SFXN1: variants seen among roughly 807,000 people sequenced by gnomAD.
The protein encoded by SFXN1 is sideroflexin 1, also known as sideroflexin-1.
Under a neutral mutation model 39.5 loss-of-function variants are expected in SFXN1, and 32 were observed. The observed-to-expected ratio is 0.81, with a 90% CI of 0.61 to 1.09. The LOEUF is 1.09. SFXN1 is among the 50% of genes least tolerant of loss of function. The pLI is 0.00. For missense variants in SFXN1, 402 were observed against 407.1 expected (o/e 0.99, Z 0.11); for synonymous variants, 136 against 146.5 (o/e 0.93, Z 0.52).
chr5:175,488,094 C>T (rs1455675916), intron 1 of SFXN1, among the ~76,000 whole-genome samples: 1 of 152,068 alleles, frequency 6.6e-6, no homozygotes, highest in Admixed American at 6.5e-5. Context: ...ATTGTGCGTC[C>T]GTTCATTTCG....
At chr5:175,521,861 A>G in intron 8 of SFXN1, 58 bp from the exon 9 acceptor site, 2 of 1,330,520 alleles carry the variant, frequency 1.5e-6, no homozygotes, top group Non-Finnish European at 2.1e-6. Context: ...TAATCAGAAG[A>G]TATTGCCTCT....
intron 1 of SFXN1, among the ~76,000 whole-genome samples, chr5:175,487,135 C>T (rs1455768341): frequency 6.6e-6 from 1 of 152,174 alleles, no homozygotes; most frequent in Non-Finnish European, 1.5e-5. Flanking sequence ...GCCTCATGTA[C>T]AGCCACAGCC....
At chr5:175,519,482 A>G (rs780233381) in intron 8 of SFXN1, among the ~76,000 whole-genome samples, 2 of 152,268 alleles carry the variant, frequency 1.3e-5, no homozygotes, top group African/African-American at 4.8e-5. Context: ...TTGTGAATAC[A>G]AGGGAATACT....
chr5:175,513,932 C>T (rs1482461730), intron 7 of SFXN1, among the ~76,000 whole-genome samples: 1 of 151,410 alleles, frequency 6.6e-6, no homozygotes. Flanking sequence ...GCAGGTGCAG[C>T]TGGGGCACAG....
In SFXN1 at chr5:175,528,115, G is replaced by T. The variant is rs1304697977; in HGVS notation, c.*1381G>T. ...TTTTTGTATTTTTAGTAGAGACGGG[G>T]TTTCACTGTGGTCTCGATCTCCTGA... On this transcript the variant is annotated 3_prime_UTR_variant, in exon 11 of 11. Coordinates refer to ENST00000321442, the MANE Select transcript of SFXN1 (RefSeq NM_022754.7). The T allele has an allele frequency of 1.3e-5, 2 of 151,882 alleles. No homozygotes were observed. The highest frequency in any genetic ancestry group is 4.8e-5 in the African/African-American group (2 of 41,340). The allele number at this position is 151,882 out of a possible 1,614,324, so 9.4% of individuals were successfully genotyped here. A position where few individuals can be genotyped will look rare whatever the true frequency, so the allele number is the denominator to read the frequency against.
At chr5:175,511,563 A>C (rs369245383) in intron 5 of SFXN1, 37 bp downstream of exon 5, 23 of 1,522,368 alleles carry the variant, frequency 1.5e-5, no homozygotes, top group Middle Eastern at 1.7e-4. Flanking sequence ...AAGCTGTTTA[A>C]TTTGTTATCA....
chr5:175,488,301 A>ATTTT (rs1759524015), intron 1 of SFXN1, among the ~76,000 whole-genome samples: 1 of 142,240 alleles, frequency 7.0e-6, no homozygotes, highest in Non-Finnish European at 1.5e-5. Flanking sequence ...CACCAGATGC[A>ATTTT]TTTCTTTTTT....
At chr5:175,505,550 A>AATAATAATAAT (rs1301845412) in intron 2 of SFXN1, among the ~76,000 whole-genome samples, 1 of 87,722 alleles carries the variant, frequency 1.1e-5, no homozygotes, top group Admixed American at 1.0e-4. Flanking sequence ...TAATAATAAT[A>AATAATAATAAT]ATAATAATAA....
In SFXN1 at chr5:175,513,526, C is replaced by T. The variant is rs144516349; in HGVS notation, c.660C>T (p.Asn220=). ...ENGNRLGESA[N]AAKQAITQVV... ...GGAACCGCTTGGGGGAGTCGGCGAA[C>T]GCTGCGAAACAAGCCATCACGCAAG... Residue 220 remains asparagine, a synonymous_variant, in exon 7 of 11, where the codon AAC becomes AAT. Coordinates refer to ENST00000321442, the MANE Select transcript of SFXN1 (RefSeq NM_022754.7). 2.0e-5 allele frequency: 33 copies of T among 1,613,800 alleles called. No individual in the cohort carries two copies. The highest frequency in any genetic ancestry group is 3.3e-5 in the South Asian group (3 of 91,082).
intron 2 of SFXN1, among the ~76,000 whole-genome samples, chr5:175,507,955 AGAGT>A (rs1351264173): frequency 1.4e-5 from 2 of 144,484 alleles, no homozygotes; most frequent in Non-Finnish European, 3.1e-5. Flanking sequence ...CCTGGGTGAC[AGAGT>A]GAGACCCTGT....
intron 1 of SFXN1, among the ~76,000 whole-genome samples, chr5:175,482,126 A>G (rs1282338324): frequency 6.6e-6 from 1 of 152,238 alleles, no homozygotes; most frequent in Non-Finnish European, 1.5e-5. Context: ...CAATCTAACA[A>G]TGCATGGAAA....
intron 8 of SFXN1, among the ~76,000 whole-genome samples, chr5:175,520,498 G>A (rs1760847550): frequency 6.6e-6 from 1 of 152,130 alleles, no homozygotes; most frequent in South Asian, 2.1e-4. Context: ...GGTTTTGCAG[G>A]ATACTGAAAT....
intron 2 of SFXN1, among the ~76,000 whole-genome samples, chr5:175,500,450 AC>A (rs1760032514): frequency 2.0e-5 from 3 of 147,022 alleles, no homozygotes; most frequent in African/African-American, 2.7e-5. Context: ...ACACACACAC[AC>A]ACAAATTACA....
intron 2 of SFXN1, among the ~76,000 whole-genome samples, chr5:175,506,881 G>A (rs1760324832): frequency 6.6e-6 from 1 of 152,146 alleles, no homozygotes; most frequent in South Asian, 2.1e-4. Flanking sequence ...GGCCAGTCTG[G>A]TCTTGAACTC....
intron 2 of SFXN1, among the ~76,000 whole-genome samples, chr5:175,494,269 A>G (rs1158585615): frequency 6.6e-6 from 1 of 152,208 alleles, no homozygotes; most frequent in Non-Finnish European, 1.5e-5. Context: ...AACTTCCAGA[A>G]GCATCCATGA....
At chr5:175,489,572 A>G (rs1445240859) in intron 1 of SFXN1, among the ~76,000 whole-genome samples, 1 of 152,214 alleles carries the variant, frequency 6.6e-6, no homozygotes, top group Non-Finnish European at 1.5e-5. Flanking sequence ...CATTTCTTGT[A>G]TCCCCATGAT....
chr5:175,522,488 G>A (rs745785089), intron 10 of SFXN1, 66 bp downstream of exon 10: 3 of 1,488,100 alleles, frequency 2.0e-6, no homozygotes, highest in Admixed American at 3.9e-5. Context: ...GAAGGTGCAG[G>A]TGCCATTATT....
intron 1 of SFXN1, among the ~76,000 whole-genome samples, chr5:175,489,728 C>A (rs1430478024): frequency 2.0e-5 from 3 of 152,124 alleles, no homozygotes; most frequent in Admixed American, 1.3e-4. Context: ...TTTAAAAAGA[C>A]AAATATTATC....
intron 1 of SFXN1, among the ~76,000 whole-genome samples, chr5:175,489,311 A>C (rs975731560): frequency 2.0e-5 from 3 of 152,226 alleles, no homozygotes; most frequent in Non-Finnish European, 4.4e-5. Flanking sequence ...TAAGGATAGA[A>C]ACAAATGCTG....
Sources: allele counts gnomAD v4.1 joint callset (sites outside exome capture counted in the v4.1 genomes callset), GRCh38; gene constraint gnomAD v4.1.1; transcripts MANE v1.5; gene names NCBI Gene and HGNC (gene_info 2026-07-23, HGNC 2026-07-21).